Variants in USP39 observed in about 807,000 individuals in gnomAD.
The protein encoded by USP39 is ubiquitin specific peptidase 39, also known as ubiquitin carboxyl-terminal hydrolase 39.
In USP39, 38 loss-of-function variants were observed where a neutral mutation model predicts 66.4. The observed-to-expected ratio is 0.57, with a 90% CI of 0.44 to 0.75. The LOEUF (loss-of-function observed/expected upper bound fraction) is 0.75. Ranked by LOEUF, USP39 falls within the 30% of genes least tolerant of loss-of-function variation. USP39 has a pLI of 0.00. For synonymous variants in USP39, 303 were observed against 274.6 expected (o/e 1.10, Z -1.02); for missense variants, 608 against 714.4 (o/e 0.85, Z 1.70).
At chr2:85,608,766 A>G (rs1333587459), upstream of USP39, 3 of 576,374 alleles carry the variant, frequency 5.2e-6, no homozygotes, top group African/African-American at 3.8e-5. Context: ...ATGGGTCAAC[A>G]TATAAGAAAG....
At chr2:85,607,224 C>T (rs1301114165), upstream of USP39, 1 of 152,148 alleles carries the variant, frequency 6.6e-6, no homozygotes, top group Non-Finnish European at 1.5e-5. Flanking sequence ...ATCCTATGTT[C>T]CAAGTCATCA....
chr2:85,608,114 C>T (rs1213306732), upstream of USP39: 2 of 152,304 alleles, frequency 1.3e-5, no homozygotes, highest in East Asian at 1.9e-4. Context: ...AGTCTGTTCA[C>T]GGCTAGGAAT....
At chr2:85,644,610 T>C (rs1305207167) in intron 10 of USP39, among the ~76,000 whole-genome samples, 2 of 151,944 alleles carry the variant, frequency 1.3e-5, no homozygotes, top group African/African-American at 4.8e-5. Context: ...TTTTTTTTTG[T>C]AGGGGTCTCA....
At chr2:85,622,982 C>T (rs776001784) in intron 3 of USP39, among the ~76,000 whole-genome samples, 2 of 152,210 alleles carry the variant, frequency 1.3e-5, no homozygotes, top group African/African-American at 2.4e-5. Context: ...ATAAAGATTA[C>T]TGCTGGACTG....
chr2:85,622,394 A>G (rs552723031), intron 3 of USP39, among the ~76,000 whole-genome samples: 1 of 152,086 alleles, frequency 6.6e-6, no homozygotes, highest in African/African-American at 2.4e-5. Flanking sequence ...AAGTGCTGGG[A>G]TTACAGGCAT....
At chr2:85,631,134 C>T (rs1170959589) in intron 6 of USP39, among the ~76,000 whole-genome samples, 188 bp downstream of exon 6, 2 of 152,124 alleles carry the variant, frequency 1.3e-5, no homozygotes, top group African/African-American at 4.8e-5. Context: ...CCCGCTTCAG[C>T]CTCCCAAGTA....
intron 1 of USP39, chr2:85,606,566 G>A (rs921871375): frequency 6.6e-6 from 1 of 152,204 alleles, no homozygotes; most frequent in African/African-American, 2.4e-5. Context: ...GAAGCTTAAT[G>A]CTTAATACAG....
chr2:85,621,460 A>AT (rs767462374), intron 2 of USP39, 25 bp from the exon 3 acceptor site: 28 of 1,607,300 alleles, frequency 1.7e-5, no homozygotes, highest in Admixed American at 3.3e-5. Flanking sequence ...CATCCTATTT[A>AT]TTTTTTTCTG....
At chr2:85,626,843 G>C (rs1418665194) in intron 5 of USP39, among the ~76,000 whole-genome samples, 1 of 151,594 alleles carries the variant, frequency 6.6e-6, no homozygotes, top group Admixed American at 6.6e-5. Flanking sequence ...TCAGCCTCCC[G>C]AGTAGCTGGG....
upstream of USP39, chr2:85,609,588 T>G (rs1367466415): frequency 4.3e-6 from 7 of 1,613,942 alleles, no homozygotes; most frequent in South Asian, 7.7e-5. Flanking sequence ...CAGAGACATC[T>G]GGAAGGATGA....
chr2:85,616,856 A>C (rs1019107832), intron 1 of USP39, among the ~76,000 whole-genome samples: 5 of 151,222 alleles, frequency 3.3e-5, no homozygotes, highest in African/African-American at 1.2e-4. Flanking sequence ...CGCCCGGCTA[A>C]TTTTTTGTGT....
intron 5 of USP39, among the ~76,000 whole-genome samples, chr2:85,626,041 A>T (rs1424571595): frequency 1.3e-5 from 2 of 149,598 alleles, no homozygotes; most frequent in African/African-American, 4.9e-5. Context: ...GAGGGACAGG[A>T]AATAGTATGT....
chr2:85,637,938 C>G (rs1043836883), intron 8 of USP39, among the ~76,000 whole-genome samples: 18 of 152,166 alleles, frequency 1.2e-4, no homozygotes, highest in Non-Finnish European at 2.4e-4. Flanking sequence ...CTCAGGTGAT[C>G]TACCTGCCTC....
chr2:85,611,875 T>C (rs923723406), upstream of USP39: 1 of 1,597,436 alleles, frequency 6.3e-7, no homozygotes, highest in East Asian at 2.3e-5. Flanking sequence ...GGCGGGGCGG[T>C]ACCGAGCGAT....
intron 1 of USP39, 100 bp downstream of exon 1, chr2:85,616,563 G>C: frequency 1.4e-6 from 2 of 1,393,038 alleles, no homozygotes; most frequent in South Asian, 3.2e-5. Flanking sequence ...CGGAGTTGGG[G>C]GAGGGGTGGG....
intron 7 of USP39, among the ~76,000 whole-genome samples, 183 bp downstream of exon 7, chr2:85,636,313 CAA>C (rs1477648334): frequency 6.6e-6 from 1 of 152,020 alleles, no homozygotes; most frequent in Admixed American, 6.6e-5. Flanking sequence ...ACCAAAAATA[CAA>C]AAGTTATTCA....
upstream of USP39, chr2:85,615,974 C>T: frequency 1.2e-6 from 1 of 846,856 alleles, no homozygotes; most frequent in African/African-American, 1.8e-5. Flanking sequence ...AGGTTCCCGT[C>T]TCAGTAAACT....
chr2:85,611,424 G>A, upstream of USP39: 5 of 1,515,010 alleles, frequency 3.3e-6, no homozygotes, highest in Admixed American at 2.2e-5. Flanking sequence ...GGGCAAACCG[G>A]CAGATAAACT....
At chr2:85,628,790 A>T (rs1675079134) in intron 5 of USP39, among the ~76,000 whole-genome samples, 1 of 152,162 alleles carries the variant, frequency 6.6e-6, no homozygotes, top group South Asian at 2.1e-4. Context: ...TTATTCTACA[A>T]ACAGGAAGTC....
Sources: gnomAD v4.1 joint callset for allele counts (sites outside exome capture counted in the v4.1 genomes callset) on GRCh38, gnomAD v4.1.1 for gene constraint, MANE v1.5 for transcripts, NCBI Gene and HGNC (gene_info 2026-07-23, HGNC 2026-07-21) for gene names.